Variants in GP6 observed in about 807,000 individuals in gnomAD.
The protein encoded by GP6 is glycoprotein VI platelet.
A neutral mutation model predicts 37.3 loss-of-function variants in GP6; 45 were observed. That is an observed-to-expected ratio of 1.21 (90% confidence interval 0.95 to 1.55). The LOEUF (loss-of-function observed/expected upper bound fraction) is 1.55, where lower values mean the gene tolerates loss of function less well. Ranked by LOEUF, GP6 falls within the 40% of genes most tolerant of loss-of-function variation. The pLI is 0.00. For missense variants in GP6, 813 were observed against 760.2 expected, an observed-to-expected ratio of 1.07 and a Z score of -0.82; for synonymous variants, 340 against 316.4, an observed-to-expected ratio of 1.07 and a Z score of -0.79.
In GP6 at chr19:55,013,883, T is replaced by C; in HGVS notation, c.*199A>G. 1 of 363,712 alleles carries C rather than the reference T, an allele frequency of 2.7e-6. No homozygotes were observed. Among genetic ancestry groups the C allele is most frequent in the East Asian group, 7.3e-5 (1 of 13,694 alleles). The allele number at this position is 363,712 out of a possible 1,614,324, so 22.5% of individuals were successfully genotyped here. On this transcript the variant is annotated 3_prime_UTR_variant, in exon 8 of 8. Transcript: ENST00000310373. ...GTGGTACAGTTTTACACTCATTAGA[T>C]GGTCAAGAAATGCCTAAACGCTATA...
chr19:55,027,890 A>ATGC, intron 3 of GP6, 28 bp from the exon 4 acceptor site: 2 of 1,612,398 alleles, frequency 1.2e-6, no homozygotes, highest in Non-Finnish European at 1.7e-6. Flanking sequence ...TCTGATGTTG[A>ATGC]AGGCAGGAGC....
rs560327328 is a variant in GP6 at position 55,026,104 on chromosome 19, A to G, written c.611-833T>C. Among the ~76,000 whole-genome samples the G allele has an allele frequency of 3.2e-4, 49 of 151,984 alleles. 1 individual carries two copies. Among genetic ancestry groups the G allele is most frequent in the African/African-American group, 1.1e-3 (45 of 41,430 alleles). On this transcript the variant is annotated intron_variant, in intron 4 of 7. Transcript: ENST00000310373. Reference sequence around the variant, plus strand: ...ATGCAGCTCCCGTCCACCTTTTTCAACCTCAGTTCTATTTCTTCTGGATTC... The same window carrying G: ...ATGCAGCTCCCGTCCACCTTTTTCAGCCTCAGTTCTATTTCTTCTGGATTC...
Position 55,014,495 on chromosome 19 carries a change from G to A in GP6, c.1450C>T (p.Leu484=). The A allele has an allele frequency of 6.2e-7, 1 of 1,614,128 alleles. No individual in the cohort carries two copies. Among genetic ancestry groups the A allele is most frequent in the Non-Finnish European group, 8.5e-7 (1 of 1,179,964 alleles). The change falls in exon 8 of 8, where the codon CTG becomes TTG. Residue 484 remains leucine (L), a synonymous_variant. Transcript: ENST00000310373. The stretch of plus-strand genomic sequence containing the variant: ...GGGTGAGAGTTTCTGGGGAAAACCA[G>A]ACAAGAGCACAGAGGGCCAAAGGGA...
chr19:55,025,340 C>A, intron 4 of GP6, 69 bp from the exon 5 acceptor site: 1 of 952,146 alleles, frequency 1.1e-6, no homozygotes, highest in South Asian at 1.4e-5. Context: ...AACGAAACAT[C>A]TCCGTGACTG....
At chr19:55,024,370 G>GCACA (rs2074225791) in intron 5 of GP6, among the ~76,000 whole-genome samples, 7 of 126,826 alleles carry the variant, frequency 5.5e-5, no homozygotes, top group African/African-American at 2.0e-4. Flanking sequence ...ACATATGCAC[G>GCACA]CACACAGTAT....
At chr19:55,036,600 G>A (rs990234893) in intron 1 of GP6, among the ~76,000 whole-genome samples, 1 of 152,180 alleles carries the variant, frequency 6.6e-6, no homozygotes, top group Non-Finnish European at 1.5e-5. Context: ...TCAGGAGGCT[G>A]ATGGGGAGGC....
intron 1 of GP6, among the ~76,000 whole-genome samples, chr19:55,036,104 A>G (rs1342116171): frequency 6.6e-6 from 1 of 151,862 alleles, no homozygotes; most frequent in African/African-American, 2.4e-5. Flanking sequence ...TTTTGCAGCA[A>G]CTTGGATGGA....
chr19:55,015,041 G>A lies in GP6; in HGVS notation c.904C>T (p.Gln302Ter). ...GCGGCCTCTGCACAGCCCTGCCCCT[G>A]TGCCGCAGGCGCTTCCTCCGGCTGT... Residue 302 changes from glutamine to a stop codon, truncating the protein, a stop_gained, in exon 8 of 8, where the codon CAG becomes TAG. Transcript: ENST00000310373. LOFTEE classifies it low-confidence loss of function (END_TRUNC). 1.9e-6 allele frequency: 3 copies of A among 1,610,028 alleles called. No homozygotes were observed. The highest frequency in any genetic ancestry group is 2.5e-6 in the Non-Finnish European group (3 of 1,178,426).
At chr19:55,026,978 C>T (rs1602588986) in intron 4 of GP6, among the ~76,000 whole-genome samples, 1 of 150,652 alleles carries the variant, frequency 6.6e-6, no homozygotes, top group African/African-American at 2.5e-5. Flanking sequence ...CCCGCCCCTG[C>T]AGCCCAGGGC....
rs1273122440 is a variant in GP6 at position 55,014,567 on chromosome 19, G to T, written c.1378C>A (p.Leu460Ile). 1.2e-6 allele frequency: 2 copies of T among 1,613,240 alleles called. No individual in the cohort carries two copies. The highest frequency in any genetic ancestry group is 1.7e-5 in the Admixed American group (1 of 59,952). The stretch of plus-strand genomic sequence containing the variant: ...GAGGATGGAACAGAGTCAACCCTGA[G>T]AGCTGGGAACCTTAGAGATCCGTCT... Residue 460 changes from leucine to isoleucine, a missense_variant, in exon 8 of 8, where the codon CTC becomes ATC. Physicochemically the swap from Leu to Ile is conservative, Grantham distance 5. Transcript: ENST00000310373.
chr19:55,037,930 T>G (rs545007891), intron 1 of GP6, among the ~76,000 whole-genome samples: 3 of 151,952 alleles, frequency 2.0e-5, no homozygotes, highest in Non-Finnish European at 2.9e-5. Flanking sequence ...CCACATTTTT[T>G]AAAAAAGGGG....
At chr19:55,036,051 T>C (rs2074817233) in intron 1 of GP6, among the ~76,000 whole-genome samples, 1 of 146,456 alleles carries the variant, frequency 6.8e-6, no homozygotes, top group South Asian at 2.2e-4. Flanking sequence ...CCAGCCTTGG[T>C]GAGAGAGCGA....
intron 1 of GP6, among the ~76,000 whole-genome samples, chr19:55,034,131 T>C (rs2074725271): frequency 7.3e-6 from 1 of 137,332 alleles, no homozygotes; most frequent in Non-Finnish European, 1.5e-5. Flanking sequence ...TATATGTATG[T>C]ATATGTATAT....
Position 55,038,226 on chromosome 19 carries a change from G to T in GP6, c.11C>A (p.Ser4Tyr), listed in dbSNP as rs754527697. 1 of 1,591,278 alleles carries T rather than the reference G, an allele frequency of 6.3e-7. No individual in the cohort carries two copies. The highest frequency in any genetic ancestry group is 8.6e-7 in the Non-Finnish European group (1 of 1,167,760). ...ACCAAGACAGAAGAGGGCGGTCGGG[G>T]ATGGAGACATGGTTCCTCAGCCCTG... is the stretch of plus-strand genomic sequence containing the variant. The change falls in exon 1 of 8, where the codon TCC becomes TAC. Residue 4 changes from serine to tyrosine, a missense_variant. Transcript: ENST00000310373.
chr19:55,014,450 C>A lies in GP6; in HGVS notation c.1495G>T (p.Gly499Cys), dbSNP rs41275822. Residue 499 changes from glycine to cysteine, a missense_variant, in exon 8 of 8, where the codon GGT becomes TGT. By Grantham distance (159) the Gly-to-Cys change is radical. Transcript: ENST00000310373. The stretch of plus-strand genomic sequence containing the variant: ...AGAGACGAAAGGAGATTTGTTAGAC[C>A]GCAGTGGGAGATGGAGTGAGGGTGA... The A allele has an allele frequency of 6.2e-7, 1 of 1,613,440 alleles. No homozygotes were observed. The highest frequency in any genetic ancestry group is 2.2e-5 in the East Asian group (1 of 44,876).
chr19:55,023,926 T>G (rs2074171979), intron 5 of GP6, among the ~76,000 whole-genome samples: 1 of 148,412 alleles, frequency 6.7e-6, no homozygotes. Context: ...ATACCAGGAG[T>G]TAGGGATGGC....
intron 5 of GP6, among the ~76,000 whole-genome samples, chr19:55,020,143 A>T (rs1316684401): frequency 6.7e-6 from 1 of 149,262 alleles, no homozygotes; most frequent in Non-Finnish European, 1.5e-5. Context: ...CGGTGGCATA[A>T]TGAGAGTGTG....
intron 5 of GP6, among the ~76,000 whole-genome samples, chr19:55,022,448 C>G (rs1741210101): frequency 6.6e-6 from 1 of 152,136 alleles, no homozygotes; most frequent in Admixed American, 6.6e-5. Flanking sequence ...AAAACCAGCA[C>G]AAGACAAGGA....
intron 6 of GP6, 105 bp downstream of exon 6, chr19:55,018,547 G>A (rs1392721572): frequency 1.1e-5 from 9 of 802,926 alleles, no homozygotes; most frequent in African/African-American, 3.4e-5. Context: ...GGTAAGAGAC[G>A]GACAGTTCGG....
Sources: gnomAD v4.1 joint callset for allele counts (sites outside exome capture counted in the v4.1 genomes callset) on GRCh38, gnomAD v4.1.1 for gene constraint, MANE v1.5 for transcripts, NCBI Gene and HGNC (gene_info 2026-07-23, HGNC 2026-07-21) for gene names.